Variants in ABCA12 observed in about 807,000 individuals in gnomAD.
The protein encoded by ABCA12 is glucosylceramide transporter ABCA12.
A neutral mutation model predicts 293.5 loss-of-function variants in ABCA12; 156 were observed. The ratio of observed to expected loss-of-function variants is 0.53; its 90% confidence interval spans 0.47 to 0.61. The LOEUF (loss-of-function observed/expected upper bound fraction) is 0.61, where lower values mean the gene tolerates loss of function less well. ABCA12 is among the 20% of genes least tolerant of loss of function. The pLI, the probability that ABCA12 is intolerant of heterozygous loss-of-function variation, is 0.00. For synonymous variants in ABCA12, 1,063 were observed against 1,108.0 expected (o/e 0.96, Z 0.81); for missense variants, 2,797 against 3,090.2 (o/e 0.91, Z 2.25).
At chr2:215,126,844 G>A (rs1702934356) in intron 1 of ABCA12, among the ~76,000 whole-genome samples, 2 of 151,868 alleles carry the variant, frequency 1.3e-5, no homozygotes, top group African/African-American at 4.8e-5. Context: ...TTTTGGTTTG[G>A]TTTGTTCTTG....
intron 1 of ABCA12, among the ~76,000 whole-genome samples, chr2:215,121,230 TA>T (rs1209876827): frequency 2.0e-5 from 3 of 152,206 alleles, no homozygotes; most frequent in Non-Finnish European, 4.4e-5. Context: ...AGTTAATCAC[TA>T]AATTATAGAG....
chr2:214,991,881 CG>C (rs1024500034), intron 23 of ABCA12, among the ~76,000 whole-genome samples: 2 of 151,876 alleles, frequency 1.3e-5, no homozygotes. Context: ...CAGGGCCTGT[CG>C]GGGGATGGAG....
chr2:215,027,976 G>C (rs1458393859), intron 9 of ABCA12, among the ~76,000 whole-genome samples: 5 of 152,184 alleles, frequency 3.3e-5, no homozygotes, highest in Non-Finnish European at 5.9e-5. Context: ...ATGTGAATGA[G>C]TATGTGCGTA....
Position 214,989,506 on chromosome 2 carries a change from C to T in ABCA12, c.3695-43G>A, listed in dbSNP as rs779040057. ...GTGTTTATTCTTCTGTGACACACAG[C>T]ACAGTTGTGAAAGATAAAATCCAGT... is the stretch of plus-strand genomic sequence containing the variant. On this transcript the variant is annotated intron_variant, in intron 25 of 52. Transcript: ENST00000272895. 4.6e-5 allele frequency: 74 copies of T among 1,613,760 alleles called. 1 individual carries two copies. In the South Asian group the frequency reaches 8.0e-4, roughly 17 times the overall value.
chr2:214,980,486 C>T lies in ABCA12; in HGVS notation c.4737G>A (p.Lys1579=). 6.2e-7 allele frequency: 1 copy of T among 1,613,610 alleles called. No homozygotes were observed. Among genetic ancestry groups the T allele is most frequent in the Non-Finnish European group, 8.5e-7 (1 of 1,179,952 alleles). The change falls in exon 31 of 53, where the codon AAG becomes AAA. Residue 1579 remains lysine, a synonymous_variant. Coordinates refer to ENST00000272895, the MANE Select transcript of ABCA12 (RefSeq NM_173076.3). ...GDGYHLTLTK[K]KSPNLNANAV... is the part of the protein sequence containing the mutation. ...ATATATTTTCTCCCATTCCTACCTT[C>T]TTCTTGGTAAGCGTGAGGTGATACC...
chr2:214,985,351 T>A (rs189971874), intron 28 of ABCA12, among the ~76,000 whole-genome samples: 3 of 152,206 alleles, frequency 2.0e-5, no homozygotes, highest in Admixed American at 2.0e-4. Context: ...GGGAACTAAA[T>A]GATGAGAATA....
chr2:215,011,735 C>A (rs1442259444), intron 16 of ABCA12, 86 bp from the exon 17 acceptor site: 22 of 1,280,678 alleles, frequency 1.7e-5, no homozygotes, highest in Non-Finnish European at 2.3e-5. Flanking sequence ...CCTGATAATA[C>A]TTAGAGTATC....
intron 17 of ABCA12, among the ~76,000 whole-genome samples, chr2:215,010,917 GC>G (rs1700357800): frequency 6.6e-6 from 1 of 152,124 alleles, no homozygotes; most frequent in Non-Finnish European, 1.5e-5. Flanking sequence ...ATTTGAATGA[GC>G]TCACTCATCA....
chr2:214,945,098 G>C lies in ABCA12; in HGVS notation c.7246C>G (p.Pro2416Ala). The C allele has an allele frequency of 6.2e-7, 1 of 1,612,856 alleles. No homozygotes were observed. The highest frequency in any genetic ancestry group is 8.5e-7 in the Non-Finnish European group (1 of 1,179,388). ...GACTTCGGATCCATGCCAGAGCTCG[G>C]CTCATCCTTAATAGAAAGTTACAAC... ...GKPSILLLDE[P>A]SSGMDPKSKR... The change falls in exon 49 of 53, where the codon CCG becomes GCG. Residue 2416 changes from proline to alanine, a missense_variant. Physicochemically the swap from Pro to Ala is conservative, Grantham distance 27. This residue lies in a region of ABCA12 where 2,130 missense variants were observed against 2,427.0 expected (regional missense o/e 0.88). Transcript: ENST00000272895.
At chr2:215,005,896 G>T (rs1439967006) in intron 19 of ABCA12, among the ~76,000 whole-genome samples, 1 of 152,136 alleles carries the variant, frequency 6.6e-6, no homozygotes, top group Non-Finnish European at 1.5e-5. Context: ...TCACAAGTCT[G>T]TCATTACCAA....
Position 214,978,816 on chromosome 2 carries a change from G to A in ABCA12, c.4965C>T (p.Thr1655=). ...TATTGAGGTATACCTCCTCCACGGTGGTATCTGAAATGCCGTAGCACCCGA... is the reference window on the plus strand; with the variant it reads ...TATTGAGGTATACCTCCTCCACGGTAGTATCTGAAATGCCGTAGCACCCGA... ...LNIGCYGISD[T]TVEEVFLNLT... is the part of the protein sequence containing the mutation. The change falls in exon 32 of 53, where the codon ACC becomes ACT. Residue 1655 remains threonine, a synonymous_variant. Transcript: ENST00000272895. 5 of 1,613,888 alleles carry A rather than the reference G, an allele frequency of 3.1e-6. No homozygotes were observed. The highest frequency in any genetic ancestry group is 4.2e-6 in the Non-Finnish European group (5 of 1,179,830).
chr2:214,933,394 A>G (rs1559097597), intron 52 of ABCA12, among the ~76,000 whole-genome samples: 4 of 152,284 alleles, frequency 2.6e-5, no homozygotes, highest in Admixed American at 2.6e-4. Context: ...AGCCCCCATT[A>G]AAATGCCTAA....
intron 50 of ABCA12, among the ~76,000 whole-genome samples, chr2:214,938,310 C>A (rs937897225): frequency 6.6e-6 from 1 of 152,108 alleles, no homozygotes; most frequent in Non-Finnish European, 1.5e-5. Context: ...GGCACATATA[C>A]ACCATAGTAT....
chr2:215,120,828 A>C (rs1006656513), intron 1 of ABCA12, among the ~76,000 whole-genome samples: 14 of 152,162 alleles, frequency 9.2e-5, no homozygotes, highest in Non-Finnish European at 1.8e-4. Flanking sequence ...CTATTTGTCT[A>C]AGTTTGGCCA....
chr2:215,027,003 A>C, intron 9 of ABCA12, 65 bp from the exon 10 acceptor site: 1 of 1,231,080 alleles, frequency 8.1e-7, no homozygotes, highest in South Asian at 1.2e-5. Flanking sequence ...CGTTTTGTTG[A>C]GATCATTTTG....
chr2:214,947,400 G>A, intron 48 of ABCA12, 22 bp downstream of exon 48: 1 of 1,613,674 alleles, frequency 6.2e-7, no homozygotes, highest in Non-Finnish European at 8.5e-7. Context: ...GGAGTGGCCT[G>A]TTTAAATAAT....
At chr2:215,118,036 A>G (rs1034644513) in intron 1 of ABCA12, among the ~76,000 whole-genome samples, 2 of 152,242 alleles carry the variant, frequency 1.3e-5, no homozygotes, top group East Asian at 1.9e-4. Flanking sequence ...ATCACATTAT[A>G]TATTTTGCCC....
intron 2 of ABCA12, among the ~76,000 whole-genome samples, chr2:215,101,694 T>A (rs1029614193): frequency 6.6e-6 from 1 of 152,190 alleles, no homozygotes; most frequent in South Asian, 2.1e-4. Context: ...ACTGAAAACC[T>A]TCATAGTACA....
intron 1 of ABCA12, among the ~76,000 whole-genome samples, chr2:215,134,591 C>G (rs533012743): frequency 2.5e-5 from 2 of 80,684 alleles, no homozygotes; most frequent in African/African-American, 1.9e-4. Context: ...CTCTCTCTCT[C>G]TCTCTCTCTA....
Sources: gnomAD v4.1 joint callset for allele counts (sites outside exome capture counted in the v4.1 genomes callset) on GRCh38, gnomAD v4.1.1 for gene constraint, gnomAD v4.1.1 regional missense constraint, MANE v1.5 for transcripts, NCBI Gene and HGNC (gene_info 2026-07-23, HGNC 2026-07-21) for gene names.